The following SH3PXD2A variants were observed in gnomAD, a reference collection of about 807,000 sequenced individuals.
The protein encoded by SH3PXD2A is SH3 and PX domains 2A.
SH3PXD2A carries 32 observed loss-of-function variants against 115.2 expected under a neutral mutation model. That is an observed-to-expected ratio of 0.28 (90% CI 0.21 to 0.37). The LOEUF (loss-of-function observed/expected upper bound fraction) is 0.37. Ranked by LOEUF, SH3PXD2A falls within the 10% of genes least tolerant of loss-of-function variation. The pLI is 1.00. For synonymous variants in SH3PXD2A, 610 were observed against 629.1 expected (o/e 0.97, Z 0.45); for missense variants, 1,328 against 1,498.7 (o/e 0.89, Z 1.88).
At chr10:103,643,954 T>C (rs1300759072) in intron 8 of SH3PXD2A, among the ~76,000 whole-genome samples, 1 of 150,416 alleles carries the variant, frequency 6.6e-6, no homozygotes, top group East Asian at 2.0e-4. Flanking sequence ...TACTAAAAAA[T>C]ACAAAAAAAA....
intron 7 of SH3PXD2A, among the ~76,000 whole-genome samples, chr10:103,663,056 C>G (rs2037336147): frequency 6.6e-6 from 1 of 152,228 alleles, no homozygotes; most frequent in Admixed American, 6.5e-5. Flanking sequence ...CCTCCCGCCT[C>G]AGTCTCTCAA....
intron 1 of SH3PXD2A, among the ~76,000 whole-genome samples, chr10:103,839,740 A>T (rs377605959): frequency 6.6e-6 from 1 of 152,226 alleles, no homozygotes; most frequent in African/African-American, 2.4e-5. Context: ...TGATACAGAT[A>T]CTAACAGCTG....
chr10:103,684,365 C>T (rs2037648728), intron 6 of SH3PXD2A, among the ~76,000 whole-genome samples: 1 of 147,784 alleles, frequency 6.8e-6, no homozygotes, highest in East Asian at 2.0e-4. Context: ...TAGACTAACC[C>T]TTTTTTTTTT....
chr10:103,696,404 A>T (rs2037824387), intron 5 of SH3PXD2A, among the ~76,000 whole-genome samples: 1 of 152,110 alleles, frequency 6.6e-6, no homozygotes, highest in Non-Finnish European at 1.5e-5. Context: ...TCACACCATG[A>T]CCACTTCCCA....
At chr10:103,696,788 A>G (rs1477905643) in intron 5 of SH3PXD2A, among the ~76,000 whole-genome samples, 2 of 152,184 alleles carry the variant, frequency 1.3e-5, no homozygotes, top group African/African-American at 4.8e-5. Context: ...TCAGCCATTC[A>G]TTCTCTGCAG....
intron 8 of SH3PXD2A, among the ~76,000 whole-genome samples, chr10:103,639,668 C>T (rs1407742649): frequency 6.6e-6 from 1 of 150,470 alleles, no homozygotes; most frequent in African/African-American, 2.4e-5. Flanking sequence ...ATGAGGCACT[C>T]ACCTCAAGCT....
At chr10:103,653,016 A>G (rs967948225) in intron 8 of SH3PXD2A, among the ~76,000 whole-genome samples, 1 of 152,130 alleles carries the variant, frequency 6.6e-6, no homozygotes, top group Admixed American at 6.5e-5. Context: ...ACCTGTCCCC[A>G]GCTTTAACAA....
intron 8 of SH3PXD2A, among the ~76,000 whole-genome samples, chr10:103,644,569 G>C (rs2037007677): frequency 7.2e-6 from 1 of 138,620 alleles, no homozygotes; most frequent in Non-Finnish European, 1.5e-5. Context: ...CTGGGCGACA[G>C]AGTGAGACCA....
intron 10 of SH3PXD2A, among the ~76,000 whole-genome samples, chr10:103,621,200 G>A (rs1286478709): frequency 5.3e-5 from 8 of 152,156 alleles, no homozygotes; most frequent in African/African-American, 1.9e-4. Flanking sequence ...GTGCAAGGGT[G>A]TTTGGAGCCA....
intron 5 of SH3PXD2A, among the ~76,000 whole-genome samples, chr10:103,717,447 G>T (rs1193512122): frequency 6.6e-6 from 1 of 152,168 alleles, no homozygotes; most frequent in Non-Finnish European, 1.5e-5. Flanking sequence ...GTTCCAGAGC[G>T]AGTGGGGAGG....
intron 5 of SH3PXD2A, among the ~76,000 whole-genome samples, chr10:103,720,332 T>A (rs916295339): frequency 6.6e-6 from 1 of 152,250 alleles, no homozygotes; most frequent in Non-Finnish European, 1.5e-5. Flanking sequence ...ATCCTTTCTG[T>A]GCAGGGCCAG....
intron 8 of SH3PXD2A, among the ~76,000 whole-genome samples, chr10:103,652,997 C>A (rs2037152508): frequency 6.6e-6 from 1 of 152,232 alleles, no homozygotes; most frequent in Non-Finnish European, 1.5e-5. Context: ...CCTGCATTCA[C>A]CAAGGCCCAC....
At chr10:103,616,540 A>G (rs2133938397) in intron 11 of SH3PXD2A, among the ~76,000 whole-genome samples, 1 of 152,358 alleles carries the variant, frequency 6.6e-6, no homozygotes, top group Non-Finnish European at 1.5e-5. Flanking sequence ...TTCCCTACCC[A>G]TACCATTCAA....
At chr10:103,708,528 TGCA>T (rs2038009014) in intron 5 of SH3PXD2A, among the ~76,000 whole-genome samples, 2 of 152,026 alleles carry the variant, frequency 1.3e-5, no homozygotes, top group Non-Finnish European at 2.9e-5. Flanking sequence ...GGAAAAGGGG[TGCA>T]TGAATGCCCC....
intron 6 of SH3PXD2A, among the ~76,000 whole-genome samples, chr10:103,683,357 CA>C (rs1166407148): frequency 1.3e-5 from 2 of 151,742 alleles, no homozygotes; most frequent in Non-Finnish European, 2.9e-5. Context: ...TACTAAAATA[CA>C]AAAAAATTAG....
chr10:103,666,534 T>C lies in SH3PXD2A; in HGVS notation c.472+2074A>G, dbSNP rs2037385635. The stretch of plus-strand genomic sequence containing the variant: ...AGGACTGGTGCCTCAGGACATGACA[T>C]GGGACATAGTAATTACCTGAAATTC... On this transcript the variant is annotated intron_variant, in intron 7 of 14. Transcript: ENST00000369774. This position sits in a 1 kb window ranked among gnomAD's most constrained non-coding sequence, Gnocchi z 4.5. Among the ~76,000 whole-genome samples the C allele has an allele frequency of 6.6e-6, 1 of 152,198 alleles. No homozygotes were observed. Among genetic ancestry groups the C allele is most frequent in the Non-Finnish European group, 1.5e-5 (1 of 68,040 alleles).
At chr10:103,702,923 G>C (rs570100538) in intron 5 of SH3PXD2A, among the ~76,000 whole-genome samples, 27 of 152,224 alleles carry the variant, frequency 1.8e-4, no homozygotes, top group Admixed American at 5.2e-4. Context: ...CATGTGCCTG[G>C]TCTCTGTGTC....
At chr10:103,715,770 A>G (rs1165314975) in intron 5 of SH3PXD2A, among the ~76,000 whole-genome samples, 4 of 152,198 alleles carry the variant, frequency 2.6e-5, no homozygotes, top group African/African-American at 9.6e-5. Context: ...CTGGCATTCG[A>G]CTGGGATTGG....
chr10:103,829,323 CT>C (rs2039463156), intron 1 of SH3PXD2A, among the ~76,000 whole-genome samples: 1 of 152,186 alleles, frequency 6.6e-6, no homozygotes, highest in Admixed American at 6.5e-5. Context: ...CTCTTAAAGA[CT>C]GTAATTTATT....
Sources: allele counts gnomAD v4.1 joint callset (sites outside exome capture counted in the v4.1 genomes callset), GRCh38; gene constraint gnomAD v4.1.1; non-coding constraint Gnocchi (gnomAD v3.1); transcripts MANE v1.5; gene names NCBI Gene and HGNC (gene_info 2026-07-23, HGNC 2026-07-21).